The following NRG3 variants were observed in gnomAD, a reference collection of about 807,000 sequenced individuals.
The protein encoded by NRG3 is neuregulin 3.
Under a neutral mutation model 66.9 loss-of-function variants are expected in NRG3, and 31 were observed. The observed-to-expected ratio is 0.46, with a 90% CI of 0.35 to 0.63. The LOEUF (loss-of-function observed/expected upper bound fraction) is 0.63, where lower values mean the gene tolerates loss of function less well. Ranked by LOEUF, NRG3 falls within the 20% of genes least tolerant of loss-of-function variation. The pLI is 0.00. For missense variants in NRG3, 910 were observed against 878.9 expected (o/e 1.04, Z -0.45); for synonymous variants, 393 against 359.4 (o/e 1.09, Z -1.06).
intron 2 of NRG3, among the ~76,000 whole-genome samples, chr10:82,667,075 G>A (rs952593453): frequency 1.7e-4 from 26 of 152,148 alleles, no homozygotes; most frequent in African/African-American, 6.0e-4. Flanking sequence ...ACAGCAGAGC[G>A]CCCCTGCCTC....
intron 1 of NRG3, among the ~76,000 whole-genome samples, chr10:82,050,687 G>C (rs532783541): frequency 6.7e-6 from 1 of 149,326 alleles, no homozygotes; most frequent in East Asian, 2.0e-4. Context: ...GGAAAGTGGT[G>C]ACAGACAGTG....
intron 2 of NRG3, among the ~76,000 whole-genome samples, chr10:82,569,318 C>A (rs2045593880): frequency 6.6e-6 from 1 of 151,632 alleles, no homozygotes; most frequent in Non-Finnish European, 1.5e-5. Context: ...TATTTGCACC[C>A]CAGTTACTAA....
At chr10:82,861,265 G>C (rs1481404261) in intron 3 of NRG3, among the ~76,000 whole-genome samples, 1 of 150,836 alleles carries the variant, frequency 6.6e-6, no homozygotes, top group East Asian at 2.0e-4. Context: ...CAGTTGCCAT[G>C]AATAAGCTAT....
intron 3 of NRG3, among the ~76,000 whole-genome samples, chr10:82,739,440 A>G (rs549486127): frequency 4.6e-5 from 7 of 152,186 alleles, no homozygotes; most frequent in South Asian, 4.1e-4. Flanking sequence ...TGCAATTGGA[A>G]AGGCCAAGTT....
chr10:82,780,463 CT>C (rs1007056127), intron 3 of NRG3, among the ~76,000 whole-genome samples: 74 of 122,168 alleles, frequency 6.1e-4, no homozygotes, highest in African/African-American at 1.5e-3. Context: ...CATTGCGCCT[CT>C]TTTTTTTTTT....
At chr10:82,136,635 G>A (rs542699800) in intron 1 of NRG3, among the ~76,000 whole-genome samples, 9 of 152,206 alleles carry the variant, frequency 5.9e-5, no homozygotes, top group African/African-American at 1.7e-4. Flanking sequence ...TACACCAGAA[G>A]CCAGTACTGT....
chr10:82,741,519 G>T (rs1294516927), intron 3 of NRG3, among the ~76,000 whole-genome samples: 1 of 152,116 alleles, frequency 6.6e-6, no homozygotes, highest in African/African-American at 2.4e-5. Context: ...CACTATAATT[G>T]TTACTAATAC....
intron 2 of NRG3, among the ~76,000 whole-genome samples, chr10:82,637,459 A>C (rs1051214829): frequency 4.6e-5 from 7 of 152,218 alleles, no homozygotes; most frequent in Admixed American, 4.6e-4. Context: ...TCTACATTGA[A>C]GAGGCCAGTC....
chr10:81,884,834 G>A (rs1389845841), intron 1 of NRG3, among the ~76,000 whole-genome samples: 1 of 152,128 alleles, frequency 6.6e-6, no homozygotes, highest in Non-Finnish European at 1.5e-5. Flanking sequence ...GTTTGGACAT[G>A]CATATACCTA....
At chr10:82,030,511 T>A (rs1021911024) in intron 1 of NRG3, among the ~76,000 whole-genome samples, 2 of 152,028 alleles carry the variant, frequency 1.3e-5, no homozygotes, top group African/African-American at 2.4e-5. Flanking sequence ...GATGGAAGTC[T>A]AATAAGTGAA....
intron 1 of NRG3, among the ~76,000 whole-genome samples, chr10:82,245,909 T>G (rs2077215148): frequency 6.6e-6 from 1 of 151,986 alleles, no homozygotes; most frequent in South Asian, 2.1e-4. Flanking sequence ...TTTATCCTAC[T>G]TTACACTTTG....
intron 1 of NRG3, among the ~76,000 whole-genome samples, chr10:82,256,266 T>C (rs1039589646): frequency 6.6e-6 from 1 of 152,232 alleles, no homozygotes; most frequent in East Asian, 1.9e-4. Flanking sequence ...TTAAAAATAC[T>C]GTGCATCATC....
At chr10:82,206,243 C>G (rs1018796914) in intron 1 of NRG3, among the ~76,000 whole-genome samples, 1 of 152,180 alleles carries the variant, frequency 6.6e-6, no homozygotes, top group African/African-American at 2.4e-5. Context: ...AGGTTTAGAA[C>G]AGATAACTGA....
At chr10:82,745,481 T>G (rs1329556380) in intron 3 of NRG3, among the ~76,000 whole-genome samples, 1 of 152,134 alleles carries the variant, frequency 6.6e-6, no homozygotes. Context: ...TACTCTGCCT[T>G]CCAGGAGCCA....
At chr10:81,878,010 G>A in intron 1 of NRG3, 3 of 1,537,684 alleles carry the variant, frequency 2.0e-6, no homozygotes, top group South Asian at 1.2e-5. Flanking sequence ...AGAGGAGGGG[G>A]ACTACACACG....
intron 2 of NRG3, among the ~76,000 whole-genome samples, chr10:82,557,501 G>T (rs550541545): frequency 6.6e-6 from 1 of 151,594 alleles, no homozygotes; most frequent in Non-Finnish European, 1.5e-5. Flanking sequence ...CAAATTTGTT[G>T]AAGTTCCTTA....
chr10:82,978,858 C>A, intron 7 of NRG3, 92 bp from the exon 8 acceptor site: 1 of 1,306,668 alleles, frequency 7.7e-7, no homozygotes, highest in Non-Finnish European at 1.1e-6. Context: ...GGTGCAGATT[C>A]AGTGTTTGCA....
At chr10:82,845,644 A>G (rs1049850102) in intron 3 of NRG3, among the ~76,000 whole-genome samples, 3 of 152,230 alleles carry the variant, frequency 2.0e-5, no homozygotes, top group Admixed American at 6.5e-5. Flanking sequence ...CAAACAGAAA[A>G]TAAGTCAATG....
intron 3 of NRG3, among the ~76,000 whole-genome samples, chr10:82,830,937 G>T (rs564459820): frequency 6.6e-6 from 1 of 152,292 alleles, no homozygotes; most frequent in East Asian, 1.9e-4. Context: ...GGCTGATACA[G>T]AACATGCAAT....
Sources: allele counts gnomAD v4.1 joint callset (sites outside exome capture counted in the v4.1 genomes callset), GRCh38; gene constraint gnomAD v4.1.1; transcripts MANE v1.5; gene names NCBI Gene and HGNC (gene_info 2026-07-23, HGNC 2026-07-21).